GUSB: variants seen among roughly 807,000 people sequenced by gnomAD.
The protein encoded by GUSB is beta-glucuronidase.
In GUSB, 51 loss-of-function variants were observed where a neutral mutation model predicts 74.6. The observed-to-expected ratio is 0.68, with a 90% CI of 0.55 to 0.86. The LOEUF is 0.86. Ranked by LOEUF, GUSB falls within the 40% of genes least tolerant of loss-of-function variation. The probability of loss-of-function intolerance (pLI) is 0.00; values close to 1 mark genes in which losing one functional copy is unlikely to be tolerated. For synonymous variants in GUSB, 360 were observed against 348.3 expected (o/e 1.03, Z -0.37); for missense variants, 736 against 853.7 (o/e 0.86, Z 1.72).
intron 5 of GUSB, 155 bp from the exon 6 acceptor site, chr7:65,975,226 A>G (rs1791490560): frequency 1.5e-6 from 1 of 687,968 alleles, no homozygotes; most frequent in Middle Eastern, 3.9e-4. Context: ...ACCCTGGCTG[A>G]CCCTGGGAAC....
chr7:65,979,318 T>C, intron 4 of GUSB, 81 bp downstream of exon 4: 5 of 1,394,682 alleles, frequency 3.6e-6, no homozygotes, highest in Non-Finnish European at 5.1e-6. Flanking sequence ...GGAGCACCTT[T>C]TTCCTGGGAG....
chr7:65,965,892 T>C (rs573886177), intron 10 of GUSB, among the ~76,000 whole-genome samples: 6 of 152,248 alleles, frequency 3.9e-5, no homozygotes, highest in African/African-American at 1.4e-4. Flanking sequence ...GAGCTAGGGC[T>C]TGGCACGGTG....
intron 5 of GUSB, chr7:65,975,626 C>A (rs1791516823): frequency 4.8e-6 from 1 of 207,634 alleles, no homozygotes; most frequent in Admixed American, 5.3e-5. Context: ...CTCAAGTGAT[C>A]CACCCACCTC....
At chr7:65,975,427 C>A (rs1196699977) in intron 5 of GUSB, 1 of 351,956 alleles carries the variant, frequency 2.8e-6, no homozygotes, top group South Asian at 2.2e-5. Flanking sequence ...GTCTGTCCCC[C>A]AGGCTGGAGT....
intron 9 of GUSB, among the ~76,000 whole-genome samples, chr7:65,968,357 C>G (rs1409769780): frequency 1.3e-5 from 2 of 152,130 alleles, no homozygotes; most frequent in Non-Finnish European, 2.9e-5. Flanking sequence ...ACAAAGTGGC[C>G]CAGAGGAGGT....
At chr7:65,971,089 G>C (rs1297041746) in intron 8 of GUSB, among the ~76,000 whole-genome samples, 1 of 152,140 alleles carries the variant, frequency 6.6e-6, no homozygotes, top group Admixed American at 6.6e-5. Context: ...ACAGAGCTGA[G>C]GTCACTAGGC....
At chr7:65,980,193 A>G in intron 2 of GUSB, 31 bp downstream of exon 2, 1 of 259,538 alleles carries the variant, frequency 3.9e-6, no homozygotes. Flanking sequence ...GTGCCCCCCC[A>G]CCCGCCCTGC....
chr7:65,967,969 C>A (rs753886152), intron 9 of GUSB, 62 bp from the exon 10 acceptor site: 9 of 1,364,150 alleles, frequency 6.6e-6, no homozygotes, highest in Non-Finnish European at 8.3e-6. Context: ...AGCATTCACA[C>A]ACTGCGGGGG....
chr7:65,970,087 T>G (rs1162296239), intron 9 of GUSB, among the ~76,000 whole-genome samples, 195 bp downstream of exon 9: 1 of 151,942 alleles, frequency 6.6e-6, no homozygotes, highest in Non-Finnish European at 1.5e-5. Flanking sequence ...GGCAGGAGGA[T>G]TGCTTGAGCC....
chr7:65,961,053 T>G lies in GUSB; in HGVS notation c.1800A>C (p.Arg600Ser). ...AGATCCCCTTTTTATTCCCCAGCACTCTCGTCGGTGCTACAAAAAAAAAAA... is the reference window on the plus strand; with the variant it reads ...AGATCCCCTTTTTATTCCCCAGCACGCTCGTCGGTGCTACAAAAAAAAAAA... ...ADFMTEQSPT[R>S]VLGNKKGIFT... Residue 600 changes from arginine (R) to serine (S), a missense_variant, in exon 12 of 12, where the codon AGA becomes AGC. Physicochemically the swap from Arg to Ser is moderately radical, Grantham distance 110 (BLOSUM62 -1). This residue lies in a region of GUSB where 368 missense variants were observed against 489.9 expected (regional missense o/e 0.75). Coordinates refer to ENST00000304895, the MANE Select transcript of GUSB (RefSeq NM_000181.4). 4 of 1,610,002 alleles carry G rather than the reference T, an allele frequency of 2.5e-6. No homozygotes were observed. The highest frequency in any genetic ancestry group is 1.4e-5 in the African/African-American group (1 of 74,054).
intron 2 of GUSB, 149 bp from the exon 3 acceptor site, chr7:65,980,060 A>G: frequency 1.1e-6 from 1 of 941,452 alleles, no homozygotes; most frequent in Non-Finnish European, 1.6e-6. Flanking sequence ...GGGGTAGATC[A>G]GGCTACCTAT....
Position 65,965,069 on chromosome 7 carries a change from TAATA to T in GUSB, c.1654-615_1654-612del, listed in dbSNP as rs139007306. On this transcript the variant is annotated intron_variant, in intron 10 of 11. Coordinates refer to ENST00000304895, the MANE Select transcript of GUSB (RefSeq NM_000181.4). Reference sequence around the variant, plus strand: ...GGGTGACACAGTGAGACCCTGTCTCTAATAAATATATATATATATATAAAAATTA... The same window carrying T: ...GGGTGACACAGTGAGACCCTGTCTCTAATATATATATATATATAAAAATTA... Among the ~76,000 whole-genome samples, 91 of 145,326 alleles carry T rather than the reference TAATA, an allele frequency of 6.3e-4. 1 individual carries two copies. The East Asian group carries it at 0.018, about 29-fold the overall frequency.
At chr7:65,976,330 T>C (rs1791575456) in intron 4 of GUSB, 128 bp from the exon 5 acceptor site, 1 of 702,174 alleles carries the variant, frequency 1.4e-6, no homozygotes. Flanking sequence ...TTTAATTTCT[T>C]ATTTTTTTTT....
chr7:65,977,867 G>A (rs1791691230), intron 4 of GUSB, among the ~76,000 whole-genome samples: 1 of 152,030 alleles, frequency 6.6e-6, no homozygotes, highest in Non-Finnish European at 1.5e-5. Context: ...CTGGAGTGCA[G>A]TGATGCAATC....
chr7:65,970,536 G>A (rs1029188637), intron 8 of GUSB, among the ~76,000 whole-genome samples, 170 bp from the exon 9 acceptor site: 2 of 151,928 alleles, frequency 1.3e-5, no homozygotes, highest in Admixed American at 6.6e-5. Flanking sequence ...TGGATCACTT[G>A]AGGTCAGGAG....
rs371271170 is a variant in GUSB, at chr7:65,974,633, G to A, written c.1137C>T (p.Asn379=). ...AGGGGTAGTGGCTGGTACGGAAAGCGTTGGCACCAAGCCAGCGAAGCAGGT... is the reference window on the plus strand; with the variant it reads ...AGGGGTAGTGGCTGGTACGGAAAGCATTGGCACCAAGCCAGCGAAGCAGGT... ...DFNLLRWLGA[N]AFRTSHYPYA... The change falls in exon 7 of 12, where the codon AAC becomes AAT. Residue 379 remains asparagine, a synonymous_variant. Transcript: ENST00000304895. The A allele has an allele frequency of 6.8e-5, 109 of 1,613,860 alleles. No homozygotes were observed. The highest frequency in any genetic ancestry group is 8.6e-5 in the Non-Finnish European group (102 of 1,180,010).
chr7:65,981,859 T>G (rs2116060009), intron 1 of GUSB, 115 bp downstream of exon 1: 1 of 953,254 alleles, frequency 1.0e-6, no homozygotes, highest in Admixed American at 2.6e-5. Context: ...ACCTTTAACC[T>G]CCTGCGGGCC....
Position 65,976,005 on chromosome 7 carries a change from C to T in GUSB, c.912+10G>A. The T allele has an allele frequency of 6.2e-7, 1 of 1,612,444 alleles. No homozygotes were observed. Among genetic ancestry groups the T allele is most frequent in the Middle Eastern group, 1.7e-4 (1 of 6,056 alleles). On this transcript the variant is annotated intron_variant, in intron 5 of 11. Transcript: ENST00000304895. ...AGACCTCCCTTAGGCATGTCCCAAA[C>T]CACCATTACCTCCAATGAATACAGA...
chr7:65,967,700 A>G, intron 10 of GUSB, 31 bp downstream of exon 10: 2 of 1,586,572 alleles, frequency 1.3e-6, no homozygotes, highest in Non-Finnish European at 1.7e-6. Flanking sequence ...CCCTGAGAGA[A>G]CACACAAGCA....
Sources: gnomAD v4.1 joint callset for allele counts (sites outside exome capture counted in the v4.1 genomes callset) on GRCh38, gnomAD v4.1.1 for gene constraint, gnomAD v4.1.1 regional missense constraint, MANE v1.5 for transcripts, NCBI Gene and HGNC (gene_info 2026-07-23, HGNC 2026-07-21) for gene names.